The following DGKB variants were observed in gnomAD, a reference collection of about 807,000 sequenced individuals.
The protein encoded by DGKB is diacylglycerol kinase beta.
A neutral mutation model predicts 114.3 loss-of-function variants in DGKB; 67 were observed. The observed-to-expected ratio is 0.59, with a 90% CI of 0.48 to 0.72. DGKB has a LOEUF of 0.72. Ranked by LOEUF, DGKB falls within the 30% of genes least tolerant of loss-of-function variation. The probability of loss-of-function intolerance (pLI) is 0.00; values close to 1 mark genes in which losing one functional copy is unlikely to be tolerated. For missense variants in DGKB, 907 were observed against 975.2 expected, an observed-to-expected ratio of 0.93 and a Z score of 0.93; for synonymous variants, 398 against 323.1, an observed-to-expected ratio of 1.23 and a Z score of -2.49.
chr7:14,410,338 G>T (rs1327509483), intron 21 of DGKB, among the ~76,000 whole-genome samples: 1 of 151,708 alleles, frequency 6.6e-6, no homozygotes, highest in Non-Finnish European at 1.5e-5. Flanking sequence ...CTGGTTCTGT[G>T]TAACTTTCTA....
At chr7:14,195,004 C>T (rs754136279) in intron 23 of DGKB, among the ~76,000 whole-genome samples, 15 of 152,102 alleles carry the variant, frequency 9.9e-5, no homozygotes, top group African/African-American at 2.2e-4. Context: ...AGTATTTCAC[C>T]GACAAAACCC....
chr7:14,938,153 T>C lies in DGKB; in HGVS notation c.-188+36543A>G, dbSNP rs1587418208. Among the ~76,000 whole-genome samples the C allele has an allele frequency of 5.3e-5, 8 of 152,226 alleles. No homozygotes were observed. The South Asian group carries it at 8.3e-4, about 16-fold the overall frequency. ...GTACACATCTCTGTGTGTGCCCATA[T>C]GCAAAGAGGAATCTAGAAAACTATG... On this transcript the variant is annotated intron_variant, in intron 1 of 4. Coordinates refer to the DGKB transcript ENST00000437998.
rs550052388 is a variant in DGKB, at chr7:14,389,366, T to G, written c.1836-43975A>C. On this transcript the variant is annotated intron_variant, in intron 21 of 25. Coordinates refer to ENST00000402815, the MANE Select transcript of DGKB (RefSeq NM_001350709.2). The stretch of plus-strand genomic sequence containing the variant: ...CAGGGTGCATCTGGCTGAAATTCAG[T>G]CAGGCGATTAAATTTATTCAAGCTT... 7.9e-5 allele frequency among the ~76,000 whole-genome samples: 12 copies of G among 152,284 alleles called. No individual in the cohort carries two copies. In the South Asian group the frequency reaches 2.5e-3, roughly 32 times the overall value.
In DGKB at chr7:14,296,661, C is replaced by G. The variant is rs567648496; in HGVS notation, c.2122+41854G>C. Among the ~76,000 whole-genome samples the G allele has an allele frequency of 1.9e-3, 290 of 150,188 alleles. 3 individuals carry two copies. Among genetic ancestry groups the G allele is most frequent in the African/African-American group, 6.6e-3 (270 of 40,934 alleles). On this transcript the variant is annotated intron_variant, in intron 23 of 25. Transcript: ENST00000402815. ...CTACAGAAGCAAGAGCAAACAAATT[C>G]AAAAGCTAGCAGAAGACAAGAAGTA...
At position 14,507,325 on chromosome 7, in the gene DGKB, A is replaced by G. The variant is rs115769819; in HGVS notation, c.1771-29100T>C. ...AATTAAAATTAGTATTTAGATTCTG[A>G]TATTTTCTATAGGGCATATTGCCAG... On this transcript the variant is annotated intron_variant, in intron 20 of 25. Coordinates refer to ENST00000402815, the MANE Select transcript of DGKB (RefSeq NM_001350709.2). Among the ~76,000 whole-genome samples the G allele has an allele frequency of 1.9e-3, 292 of 152,254 alleles. 1 individual carries two copies. The highest frequency in any genetic ancestry group is 6.5e-3 in the African/African-American group (270 of 41,532).
At chr7:14,665,339 A>G (rs1217010636) in intron 13 of DGKB, among the ~76,000 whole-genome samples, 1 of 151,996 alleles carries the variant, frequency 6.6e-6, no homozygotes, top group East Asian at 1.9e-4. Flanking sequence ...ATGAGAACAC[A>G]TGGACAGATA....
At chr7:14,557,644 A>G (rs1415036000) in intron 20 of DGKB, among the ~76,000 whole-genome samples, 1 of 152,026 alleles carries the variant, frequency 6.6e-6, no homozygotes, top group Non-Finnish European at 1.5e-5. Flanking sequence ...GCCCATATGC[A>G]TATTGGCTTT....
chr7:14,469,655 AAC>A (rs1487853002), intron 21 of DGKB, among the ~76,000 whole-genome samples: 1 of 152,034 alleles, frequency 6.6e-6, no homozygotes, highest in African/African-American at 2.4e-5. Context: ...CCTGCATGAG[AAC>A]ACACACAGTC....
intron 1 of DGKB, among the ~76,000 whole-genome samples, chr7:14,930,176 T>C (rs1386955497): frequency 6.6e-6 from 1 of 152,160 alleles, no homozygotes; most frequent in East Asian, 1.9e-4. Context: ...AGCTTTGTTC[T>C]TTTTGCTCAG....
At chr7:14,815,414 T>A (rs1210541185) in intron 2 of DGKB, among the ~76,000 whole-genome samples, 2 of 152,248 alleles carry the variant, frequency 1.3e-5, no homozygotes, top group South Asian at 2.1e-4. Context: ...AGTCTGGATA[T>A]CTTTTGGCAA....
intron 20 of DGKB, among the ~76,000 whole-genome samples, chr7:14,509,808 T>A (rs1446560724): frequency 1.3e-5 from 2 of 152,202 alleles, no homozygotes. Context: ...CTGGGTGGTG[T>A]GGGGCTGGTT....
chr7:14,149,100 A>T lies in DGKB; in HGVS notation c.*31T>A. ...TGTGTTCCATGGCCCAATTATGCTAATTCAATTTCTAAGAGTGAAACAACA... is the reference window on the plus strand; with the variant it reads ...TGTGTTCCATGGCCCAATTATGCTATTTCAATTTCTAAGAGTGAAACAACA... On this transcript the variant is annotated 3_prime_UTR_variant, in exon 26 of 26. Transcript: ENST00000402815. 1 of 1,578,760 alleles carries T rather than the reference A, an allele frequency of 6.3e-7. No individual in the cohort carries two copies. The highest frequency in any genetic ancestry group is 2.2e-5 in the East Asian group (1 of 44,692).
intron 17 of DGKB, among the ~76,000 whole-genome samples, chr7:14,589,910 G>A (rs1269494318): frequency 1.3e-5 from 2 of 150,342 alleles, no homozygotes; most frequent in Admixed American, 6.6e-5. Context: ...CATAAAATAT[G>A]TTGCAGAGTA....
chr7:14,750,274 G>C, intron 4 of DGKB: 1 of 458,008 alleles, frequency 2.2e-6, no homozygotes, highest in Non-Finnish European at 4.4e-6. Context: ...TTTCCCACTG[G>C]TTTATCAGTA....
chr7:14,915,488 C>G (rs1026305895), intron 1 of DGKB, among the ~76,000 whole-genome samples: 1 of 152,144 alleles, frequency 6.6e-6, no homozygotes, highest in Non-Finnish European at 1.5e-5. Flanking sequence ...ACTCAGAGAA[C>G]ACTAAGCAGG....
At chr7:14,626,754 C>T (rs531859464) in intron 14 of DGKB, among the ~76,000 whole-genome samples, 1 of 152,244 alleles carries the variant, frequency 6.6e-6, no homozygotes, top group Non-Finnish European at 1.5e-5. Context: ...CTAGAAAAAA[C>T]AGTTTTGATT....
intron 25 of DGKB, among the ~76,000 whole-genome samples, chr7:14,160,199 C>G (rs1783666620): frequency 6.6e-6 from 1 of 152,110 alleles, no homozygotes; most frequent in Admixed American, 6.6e-5. Context: ...GAAGCATTCC[C>G]TTTGAAAACT....
intron 17 of DGKB, among the ~76,000 whole-genome samples, chr7:14,591,596 A>C (rs201678043): frequency 1.3e-5 from 2 of 152,094 alleles, no homozygotes; most frequent in East Asian, 3.9e-4. Flanking sequence ...ATAAAGTTTC[A>C]GTTATGCAAG....
intron 1 of DGKB, among the ~76,000 whole-genome samples, chr7:14,934,793 C>A (rs1253693251): frequency 6.6e-6 from 1 of 152,036 alleles, no homozygotes; most frequent in Non-Finnish European, 1.5e-5. Context: ...TCAATCAATC[C>A]CCTAACTTGA....
Sources: allele counts gnomAD v4.1 joint callset (sites outside exome capture counted in the v4.1 genomes callset), GRCh38; gene constraint gnomAD v4.1.1; transcripts MANE v1.5; gene names NCBI Gene and HGNC (gene_info 2026-07-23, HGNC 2026-07-21).